The following CNOT6L variants were observed in gnomAD, a reference collection of about 807,000 sequenced individuals.
The protein encoded by CNOT6L is CCR4-NOT transcription complex subunit 6-like.
A neutral mutation model predicts 64.0 loss-of-function variants in CNOT6L; 7 were observed. The ratio of observed to expected loss-of-function variants is 0.11; its 90% CI spans 0.06 to 0.21. CNOT6L has a LOEUF of 0.21. Among genes scored for constraint, CNOT6L ranks in the 10% least tolerant of loss-of-function variants. The pLI, the probability that CNOT6L is intolerant of heterozygous loss-of-function variation, is 1.00. For missense variants in CNOT6L, 245 were observed against 669.0 expected (o/e 0.37, Z 6.99); for synonymous variants, 193 against 243.4 (o/e 0.79, Z 1.93).
rs138284013 is a variant in CNOT6L at position 77,812,322 on chromosome 4, C to T, written c.5+6982G>A. 0.015 allele frequency among the ~76,000 whole-genome samples: 2,203 copies of T among 151,588 alleles called. 86 individuals carry two copies. The East Asian group carries it at 0.16, about 11-fold the overall frequency. ...GCATGGTGGCAGGCACCTGTAATCC[C>T]AGCTGCTCAGGAAGCTGAGGCTGGA... On this transcript the variant is annotated intron_variant, in intron 1 of 11. Transcript: ENST00000504123.
At chr4:77,799,283 G>A (rs1039643737) in intron 1 of CNOT6L, among the ~76,000 whole-genome samples, 1 of 152,072 alleles carries the variant, frequency 6.6e-6, no homozygotes, top group Non-Finnish European at 1.5e-5. Context: ...AACTTTGCTG[G>A]GAATGGTGGC....
rs1720713692 is a variant in CNOT6L at position 77,716,029 on chromosome 4, C to T, written c.*4402G>A. On this transcript the variant is annotated 3_prime_UTR_variant, in exon 12 of 12. Transcript: ENST00000504123. ...AGCTTCTGGCTTCCCTAGTTAATTT[C>T]TCTACCTACAATTCACACAGTTCTC... The T allele has an allele frequency of 6.6e-6, 1 of 152,334 alleles. No homozygotes were observed. Among genetic ancestry groups the T allele is most frequent in the East Asian group, 1.9e-4 (1 of 5,192 alleles). 9.4% of individuals were successfully genotyped at this position (152,334 alleles called of 1,614,324 possible).
At chr4:77,773,199 T>C in intron 3 of CNOT6L, 33 bp from the exon 4 acceptor site, 1 of 1,271,062 alleles carries the variant, frequency 7.9e-7, no homozygotes, top group Non-Finnish European at 1.1e-6. Context: ...ATTAGTTTAA[T>C]ATACTAAGTT....
chr4:77,722,825 GT>G (rs1320370937), intron 11 of CNOT6L, among the ~76,000 whole-genome samples: 1 of 152,018 alleles, frequency 6.6e-6, no homozygotes, highest in African/African-American at 2.4e-5. Context: ...CACAAAAAAG[GT>G]TATAGACTAA....
chr4:77,799,437 G>A (rs963980968), intron 1 of CNOT6L, among the ~76,000 whole-genome samples: 1 of 152,050 alleles, frequency 6.6e-6, no homozygotes. Flanking sequence ...GGGTGTGGTG[G>A]TTCACGCCTG....
chr4:77,741,108 A>C (rs1026364201), intron 8 of CNOT6L, among the ~76,000 whole-genome samples: 1 of 152,204 alleles, frequency 6.6e-6, no homozygotes, highest in African/African-American at 2.4e-5. Flanking sequence ...AAAAATTACC[A>C]AACCATTAGA....
rs1253327896 is a variant in CNOT6L, at chr4:77,714,027, A to G, written c.*6404T>C. ...TGGCTTTTTCTTAGAACAAAAGCAA[A>G]GTAAATATACAACCTAAAACAGCAG... On this transcript the variant is annotated 3_prime_UTR_variant, in exon 12 of 12. Coordinates refer to ENST00000504123, the MANE Select transcript of CNOT6L (RefSeq NM_144571.3). The G allele has an allele frequency of 6.6e-6, 1 of 152,650 alleles. No homozygotes were observed. Among genetic ancestry groups the G allele is most frequent in the Admixed American group, 6.5e-5 (1 of 15,278 alleles). 9.5% of individuals were successfully genotyped at this position (152,650 alleles called of 1,614,324 possible).
intron 4 of CNOT6L, among the ~76,000 whole-genome samples, chr4:77,758,446 G>C (rs182826865): frequency 6.6e-6 from 1 of 152,298 alleles, no homozygotes; most frequent in East Asian, 1.9e-4. Flanking sequence ...ACAGAAGTTA[G>C]AATACTATAT....
intron 1 of CNOT6L, among the ~76,000 whole-genome samples, chr4:77,800,690 G>A (rs1731432430): frequency 6.6e-6 from 1 of 152,122 alleles, no homozygotes; most frequent in Admixed American, 6.5e-5. Context: ...ACTATTCTGA[G>A]AAGCAGGGTT....
chr4:77,747,960 C>A (rs938947609), intron 6 of CNOT6L, among the ~76,000 whole-genome samples: 3 of 152,058 alleles, frequency 2.0e-5, no homozygotes, highest in African/African-American at 7.2e-5. Context: ...TCTTAAATCA[C>A]CCAATACTCT....
At chr4:77,773,781 A>G (rs1282866601) in intron 3 of CNOT6L, among the ~76,000 whole-genome samples, 3 of 152,142 alleles carry the variant, frequency 2.0e-5, no homozygotes, top group Admixed American at 6.5e-5. Context: ...AATCACTGAC[A>G]TGAAACATAA....
rs1362910096 is a variant in CNOT6L, at chr4:77,816,546, C to T, written c.5+2758G>A. Among the ~76,000 whole-genome samples the T allele has an allele frequency of 2.0e-5, 3 of 152,138 alleles. No homozygotes were observed. The East Asian group carries it at 5.8e-4, about 29-fold the overall frequency. On this transcript the variant is annotated intron_variant, in intron 1 of 11. Coordinates refer to ENST00000504123, the MANE Select transcript of CNOT6L (RefSeq NM_144571.3). The stretch of plus-strand genomic sequence containing the variant: ...GTTATTTATAAAAATTCAAGCCCCT[C>T]AATGATGAGAGCTTCCCCCTCCCCA...
intron 11 of CNOT6L, among the ~76,000 whole-genome samples, chr4:77,725,379 A>G (rs1459782350): frequency 8.5e-5 from 13 of 152,192 alleles, no homozygotes; most frequent in Admixed American, 2.6e-4. Flanking sequence ...TCCAGATAGT[A>G]TAAGATTCTA....
intron 1 of CNOT6L, among the ~76,000 whole-genome samples, chr4:77,781,742 T>C (rs1203751664): frequency 6.6e-6 from 1 of 152,176 alleles, no homozygotes; most frequent in African/African-American, 2.4e-5. Flanking sequence ...CTATAGCGTA[T>C]GTAAAGATGT....
At chr4:77,722,183 TCTC>T (rs1721351970) in intron 11 of CNOT6L, among the ~76,000 whole-genome samples, 1 of 152,128 alleles carries the variant, frequency 6.6e-6, no homozygotes, top group South Asian at 2.1e-4. Flanking sequence ...TAGTTTTACT[TCTC>T]CTTATGAGAC....
intron 5 of CNOT6L, 25 bp from the exon 6 acceptor site, chr4:77,748,409 G>A (rs1402616885): frequency 1.4e-6 from 2 of 1,457,350 alleles, no homozygotes; most frequent in Admixed American, 3.4e-5. Context: ...GTAAATATAG[G>A]TTAATTTCAT....
At chr4:77,734,838 A>G (rs1007769406) in intron 8 of CNOT6L, among the ~76,000 whole-genome samples, 1 of 152,018 alleles carries the variant, frequency 6.6e-6, no homozygotes, top group Non-Finnish European at 1.5e-5. Context: ...CAGCTTTTGG[A>G]CATTTATAAA....
rs1734028897 is a variant in CNOT6L, at chr4:77,819,345, C to T, written c.-37G>A. The T allele has an allele frequency of 6.2e-7, 1 of 1,613,092 alleles. No individual in the cohort carries two copies. Among genetic ancestry groups the T allele is most frequent in the South Asian group, 1.1e-5 (1 of 91,030 alleles). ...GGCCCAGAAGCAACAGCAGCCATTT[C>T]CCCGCGGCAGGGGAAACACACACAC... On this transcript the variant is annotated 5_prime_UTR_variant, in exon 1 of 12. Coordinates refer to ENST00000504123, the MANE Select transcript of CNOT6L (RefSeq NM_144571.3).
In CNOT6L at chr4:77,715,693, CTTT is replaced by C. The variant is rs1289013788; in HGVS notation, c.*4735_*4737del. 6.6e-6 allele frequency: 1 copy of C among 152,282 alleles called. No homozygotes were observed. Among genetic ancestry groups the C allele is most frequent in the Non-Finnish European group, 1.5e-5 (1 of 67,928 alleles). The allele number at this position is 152,282 out of a possible 1,614,324, so 9.4% of individuals were successfully genotyped here. On this transcript the variant is annotated 3_prime_UTR_variant, in exon 12 of 12. Coordinates refer to ENST00000504123, the MANE Select transcript of CNOT6L (RefSeq NM_144571.3). The stretch of plus-strand genomic sequence containing the variant: ...CTTACCACCTTCCTGGAAAGAACTG[CTTT>C]TTTTTCTTTCTTTCTGTGAATCTTG...
Sources: gnomAD v4.1 joint callset for allele counts (sites outside exome capture counted in the v4.1 genomes callset) on GRCh38, gnomAD v4.1.1 for gene constraint, MANE v1.5 for transcripts, NCBI Gene and HGNC (gene_info 2026-07-23, HGNC 2026-07-21) for gene names.